The following SLC44A1 variants were observed in gnomAD, a reference collection of about 807,000 sequenced individuals.
SLC44A1 encodes choline transporter-like protein 1.
Under a neutral mutation model 79.3 loss-of-function variants are expected in SLC44A1, and 26 were observed. The observed-to-expected ratio is 0.33, with a 90% confidence interval of 0.24 to 0.46. The LOEUF is 0.46. Among genes scored for constraint, SLC44A1 ranks in the 20% least tolerant of loss-of-function variants. The pLI is 1.00. For missense variants in SLC44A1, 688 were observed against 798.1 expected, an observed-to-expected ratio of 0.86 and a Z score of 1.66; for synonymous variants, 263 against 286.2, an observed-to-expected ratio of 0.92 and a Z score of 0.82.
At chr9:105,412,209 A>T (rs1021943428) in intron 15 of SLC44A1, among the ~76,000 whole-genome samples, 2 of 152,226 alleles carry the variant, frequency 1.3e-5, no homozygotes, top group African/African-American at 4.8e-5. Context: ...CATCAAATAC[A>T]TATTTATTTG....
chr9:105,334,288 G>A (rs1159151903), intron 3 of SLC44A1, among the ~76,000 whole-genome samples: 1 of 150,804 alleles, frequency 6.6e-6, no homozygotes, highest in Non-Finnish European at 1.5e-5. Context: ...TTCATGCCGG[G>A]TTCCCAGTCC....
At chr9:105,350,664 G>A (rs77796334) in intron 5 of SLC44A1, among the ~76,000 whole-genome samples, 1,757 of 152,244 alleles carry the variant, frequency 0.012, 35 homozygotes, top group Non-Finnish European at 0.017. Context: ...GTCACCTTGA[G>A]CAAGTCTCTT....
At chr9:105,343,134 C>T (rs1284792467) in intron 4 of SLC44A1, among the ~76,000 whole-genome samples, 1 of 151,938 alleles carries the variant, frequency 6.6e-6, no homozygotes, top group Non-Finnish European at 1.5e-5. Context: ...CATGTTTTAT[C>T]TTCCCTAACA....
intron 1 of SLC44A1, among the ~76,000 whole-genome samples, chr9:105,265,995 TC>T (rs1829953620): frequency 1.3e-5 from 2 of 152,180 alleles, no homozygotes; most frequent in Non-Finnish European, 2.9e-5. Context: ...TCTAACTCTG[TC>T]ACCCAGGCTG....
chr9:105,391,463 C>A lies in SLC44A1; in HGVS notation c.*2407C>A. 1.0e-6 allele frequency: 1 copy of A among 985,484 alleles called. No individual in the cohort carries two copies. Among genetic ancestry groups the A allele is most frequent in the Non-Finnish European group, 1.2e-6 (1 of 829,742 alleles). 61.0% of individuals were successfully genotyped at this position (985,484 alleles called of 1,614,324 possible). ...GTCATTTGAGTTGCAAATTAATTGC[C>A]AGGCTGTTTTCCTTAAGTAAATTCA... On this transcript the variant is annotated 3_prime_UTR_variant, in exon 16 of 16. Coordinates refer to ENST00000374720, the MANE Select transcript of SLC44A1 (RefSeq NM_080546.5).
In SLC44A1 at chr9:105,346,310, G is replaced by A. The variant is rs559866303; in HGVS notation, c.407-2048G>A. Among the ~76,000 whole-genome samples the A allele has an allele frequency of 3.9e-5, 6 of 152,156 alleles. No individual in the cohort carries two copies. In the South Asian group the frequency reaches 1.2e-3, roughly 32 times the overall value. On this transcript the variant is annotated intron_variant, in intron 4 of 15. Transcript: ENST00000374720. The stretch of plus-strand genomic sequence containing the variant: ...TTTCATTGAGTATTATCCTGGGAAA[G>A]TATTTATAAAATTGAACTCCATTGC...
rs141532152 is a variant in SLC44A1, at chr9:105,274,634, A to G, written c.37-24586A>G. Among the ~76,000 whole-genome samples, 803 of 152,374 alleles carry G rather than the reference A, an allele frequency of 5.3e-3. 9 individuals are homozygous for G. The highest frequency in any genetic ancestry group is 0.018 in the African/African-American group (767 of 41,586). On this transcript the variant is annotated intron_variant, in intron 1 of 15. Coordinates refer to ENST00000374720, the MANE Select transcript of SLC44A1 (RefSeq NM_080546.5). ...AGGATGAGGACCTATCATTCTGATC[A>G]TGAAACAAGTTCTTCTGCCCAGAAT...
At chr9:105,399,741 A>AAT (rs544321101), downstream of SLC44A1, among the ~76,000 whole-genome samples, 864 of 9,974 alleles carry the variant, frequency 0.087, 10 homozygotes, top group African/African-American at 0.2. Context: ...TAATGTTTAT[A>AAT]ATAGTGAAGA....
chr9:105,259,277 A>G (rs534079020), intron 1 of SLC44A1, among the ~76,000 whole-genome samples: 27 of 152,364 alleles, frequency 1.8e-4, no homozygotes, highest in Non-Finnish European at 3.1e-4. Flanking sequence ...TCCTGAAAAT[A>G]CACTTTTAAA....
chr9:105,320,641 T>C (rs13285648), intron 3 of SLC44A1, among the ~76,000 whole-genome samples: 10,698 of 149,704 alleles, frequency 0.071, 922 homozygotes, highest in African/African-American at 0.22. Context: ...CATGGCTATT[T>C]ATTGGCATGA....
chr9:105,348,320 G>A, intron 4 of SLC44A1, 38 bp from the exon 5 acceptor site: 1 of 1,115,390 alleles, frequency 9.0e-7, no homozygotes, highest in Non-Finnish European at 1.3e-6. Flanking sequence ...AATTTTTTCA[G>A]ACTGTTCTGC....
chr9:105,420,886 A>G (rs1564058475), intron 15 of SLC44A1, among the ~76,000 whole-genome samples: 1 of 150,390 alleles, frequency 6.6e-6, no homozygotes, highest in African/African-American at 2.5e-5. Flanking sequence ...AAAAAAAAAA[A>G]AAAGGATGGT....
At chr9:105,411,401 GCTCTGTCTCCATTTCT>G (rs975596196) in intron 15 of SLC44A1, among the ~76,000 whole-genome samples, 2 of 143,626 alleles carry the variant, frequency 1.4e-5, no homozygotes, top group Non-Finnish European at 1.5e-5. Context: ...CCTCTCTCTT[GCTCTGTCTCCATTTCT>G]CTCTGTCTCC....
Position 105,326,528 on chromosome 9 carries a change from G to A in SLC44A1, c.270-9035G>A, listed in dbSNP as rs1035013365. On this transcript the variant is annotated intron_variant, in intron 3 of 15. Coordinates refer to ENST00000374720, the MANE Select transcript of SLC44A1 (RefSeq NM_080546.5). ...TAGCTAAAGAGGGGAGTCTTCCCCC[G>A]TGCTTTTCCAGTTCCATGCCTTTGC... 3.3e-5 allele frequency among the ~76,000 whole-genome samples: 5 copies of A among 152,278 alleles called. No homozygotes were observed. The South Asian group carries it at 6.2e-4, about 19-fold the overall frequency.
chr9:105,364,424 C>A, intron 9 of SLC44A1, 131 bp from the exon 10 acceptor site: 1 of 632,420 alleles, frequency 1.6e-6, no homozygotes, highest in Non-Finnish European at 2.6e-6. Context: ...TATTTTTGTC[C>A]CTTTATGAAA....
intron 9 of SLC44A1, among the ~76,000 whole-genome samples, chr9:105,364,108 G>T (rs180734038): frequency 1.2e-4 from 19 of 152,246 alleles, no homozygotes; most frequent in African/African-American, 4.3e-4. Flanking sequence ...GGAACTAATT[G>T]TAAAGAGTAT....
rs34573916 is a variant in SLC44A1 at position 105,320,292 on chromosome 9, C to CT, written c.269+10447dup. On this transcript the variant is annotated intron_variant, in intron 3 of 15. Coordinates refer to ENST00000374720, the MANE Select transcript of SLC44A1 (RefSeq NM_080546.5). ...CCATTTGGGTTATTTCAATATTTAA[C>CT]TTTTTTTTTTTTTTTTTTTTTACTA... Among the ~76,000 whole-genome samples the CT allele has an allele frequency of 8.1e-3, 963 of 119,068 alleles. 6 individuals carry two copies. The highest frequency in any genetic ancestry group is 0.017 in the East Asian group (63 of 3,812). The allele number at this position is 119,068 out of a possible 152,430, so 78.1% of individuals were successfully genotyped here. A position where few individuals can be genotyped will look rare whatever the true frequency, so the allele number is the denominator to read the frequency against.
In SLC44A1 at chr9:105,419,641, G is replaced by A. The variant is rs960525847; in HGVS notation, c.1951-18640G>A. Among the ~76,000 whole-genome samples, 13 of 152,250 alleles carry A rather than the reference G, an allele frequency of 8.5e-5. No homozygotes were observed. In the South Asian group the frequency reaches 1.2e-3, roughly 15 times the overall value. On this transcript the variant is annotated intron_variant, in intron 15 of 15. Transcript: ENST00000374724. ...GAAGGCCATGTATTTCTAGCTGGGC[G>A]CGGTGGCCCACGCCTGTAATAATAC...
rs1233029164 is a variant in SLC44A1 at position 105,395,217 on chromosome 9, GT to G, written c.*6164del. ...CTAGAAAAGTTTGGGGGTTTTTTTTGTTTGTTTTTGGTGTTTTTTTGAGACG... is the reference window on the plus strand; with the variant it reads ...CTAGAAAAGTTTGGGGGTTTTTTTTGTTGTTTTTGGTGTTTTTTTGAGACG... On this transcript the variant is annotated 3_prime_UTR_variant, in exon 16 of 16. Transcript: ENST00000374720. The G allele has an allele frequency of 1.0e-6, 1 of 981,432 alleles. No homozygotes were observed. The highest frequency in any genetic ancestry group is 4.7e-5 in the South Asian group (1 of 21,156). The allele number at this position is 981,432 out of a possible 1,614,324, so 60.8% of individuals were successfully genotyped here.
Sources: gnomAD v4.1 joint callset for allele counts (sites outside exome capture counted in the v4.1 genomes callset) on GRCh38, gnomAD v4.1.1 for gene constraint, MANE v1.5 for transcripts, NCBI Gene and HGNC (gene_info 2026-07-23, HGNC 2026-07-21) for gene names.